Variants in ADORA2B observed in about 807,000 individuals in gnomAD.
The protein encoded by ADORA2B is adenosine A2b receptor.
A neutral mutation model predicts 20.8 loss-of-function variants in ADORA2B; 18 were observed. The observed-to-expected ratio is 0.87, with a 90% CI of 0.60 to 1.29. The LOEUF (loss-of-function observed/expected upper bound fraction) is 1.29, where lower values mean the gene tolerates loss of function less well. Among genes scored for constraint, ADORA2B ranks in the 50% most tolerant of loss-of-function variants. The pLI is 0.00. For synonymous variants in ADORA2B, 179 were observed against 178.3 expected (o/e 1.00, Z -0.03); for missense variants, 441 against 422.7 (o/e 1.04, Z -0.38).
the ADORA2B span, among the ~76,000 whole-genome samples, chr17:15,914,524 G>A: frequency 6.6e-6 from 1 of 152,160 alleles, no homozygotes; most frequent in Non-Finnish European, 1.5e-5. Context: ...AACAGGATGT[G>A]TCTATTGTCA....
chr17:15,950,794 T>C (rs964422868), intron 1 of ADORA2B, among the ~76,000 whole-genome samples: 24 of 152,140 alleles, frequency 1.6e-4, no homozygotes, highest in African/African-American at 5.1e-4. Flanking sequence ...CAATTCTCAC[T>C]CACCACGGCC....
chr17:15,935,228 A>C, the ADORA2B span, among the ~76,000 whole-genome samples: 13,871 of 152,216 alleles, frequency 0.091, 2,084 homozygotes, highest in African/African-American at 0.32. Context: ...CTGAATAAAT[A>C]GCTTTAGTAT....
At chr17:15,962,284 T>C (rs952694603) in intron 1 of ADORA2B, among the ~76,000 whole-genome samples, 2 of 152,012 alleles carry the variant, frequency 1.3e-5, no homozygotes, top group African/African-American at 2.4e-5. Context: ...TCCTGGGCAA[T>C]AGAGCAAGAC....
the ADORA2B span, among the ~76,000 whole-genome samples, chr17:15,897,782 G>C: frequency 6.6e-6 from 1 of 151,992 alleles, no homozygotes; most frequent in African/African-American, 2.4e-5. Context: ...GAGGATGTGG[G>C]GAATCTAAGA....
At chr17:15,949,000 G>A (rs905485087) in intron 1 of ADORA2B, among the ~76,000 whole-genome samples, 2 of 151,892 alleles carry the variant, frequency 1.3e-5, no homozygotes, top group Non-Finnish European at 2.9e-5. Context: ...CTGAGGTCAG[G>A]AGCTCGAGAC....
chr17:15,934,220 A>G, the ADORA2B span, among the ~76,000 whole-genome samples: 1 of 151,972 alleles, frequency 6.6e-6, no homozygotes, highest in Non-Finnish European at 1.5e-5. Flanking sequence ...ATCATAGTAT[A>G]TATTTTATTT....
chr17:15,930,812 C>G, the ADORA2B span, among the ~76,000 whole-genome samples: 5 of 152,190 alleles, frequency 3.3e-5, no homozygotes, highest in Admixed American at 1.3e-4. Flanking sequence ...TCAAAACTAT[C>G]ATTAAAATGT....
At chr17:15,891,907 G>T in the ADORA2B span, among the ~76,000 whole-genome samples, 1 of 148,408 alleles carries the variant, frequency 6.7e-6, no homozygotes, top group Admixed American at 6.7e-5. Context: ...GAGTTCAGTG[G>T]TATGATCTTG....
the ADORA2B span, among the ~76,000 whole-genome samples, chr17:15,933,122 AT>A: frequency 6.6e-6 from 1 of 151,878 alleles, no homozygotes; most frequent in Non-Finnish European, 1.5e-5. Flanking sequence ...CGCCCGACTA[AT>A]TTTTTATATC....
the ADORA2B span, among the ~76,000 whole-genome samples, chr17:15,885,448 T>C: frequency 6.6e-6 from 1 of 152,298 alleles, no homozygotes; most frequent in East Asian, 1.9e-4. Context: ...GCGTGGTGCG[T>C]CACGCCTGTA....
At chr17:15,890,729 A>T in the ADORA2B span, among the ~76,000 whole-genome samples, 1 of 152,150 alleles carries the variant, frequency 6.6e-6, no homozygotes, top group Non-Finnish European at 1.5e-5. Flanking sequence ...CAGTGCACGG[A>T]GCTGGCCTCT....
chr17:15,882,384 A>G, the ADORA2B span, among the ~76,000 whole-genome samples: 2 of 152,326 alleles, frequency 1.3e-5, no homozygotes, highest in East Asian at 1.9e-4. Context: ...GAGGGGACTC[A>G]CAAGGTGGGC....
intron 1 of ADORA2B, among the ~76,000 whole-genome samples, chr17:15,973,564 C>T (rs754370479): frequency 2.0e-5 from 3 of 152,218 alleles, no homozygotes; most frequent in East Asian, 1.9e-4. Flanking sequence ...CTGAGCTCTG[C>T]ATCCTGTCAG....
At chr17:15,881,735 G>A in the ADORA2B span, among the ~76,000 whole-genome samples, 1 of 152,214 alleles carries the variant, frequency 6.6e-6, no homozygotes, top group Non-Finnish European at 1.5e-5. Context: ...AGGCCCATCT[G>A]TGTTGGGGCG....
intron 1 of ADORA2B, among the ~76,000 whole-genome samples, chr17:15,968,910 G>T (rs1455511084): frequency 6.6e-6 from 1 of 152,162 alleles, no homozygotes; most frequent in Non-Finnish European, 1.5e-5. Context: ...GCAGGCATCT[G>T]TCACCAAAAC....
the ADORA2B span, among the ~76,000 whole-genome samples, chr17:15,877,681 C>G: frequency 6.6e-6 from 1 of 152,100 alleles, no homozygotes; most frequent in Non-Finnish European, 1.5e-5. Context: ...CCACCTGGTC[C>G]AGAGGCTTCA....
At chr17:15,942,683 C>T (rs528700816), upstream of ADORA2B, among the ~76,000 whole-genome samples, 1 of 152,312 alleles carries the variant, frequency 6.6e-6, no homozygotes, top group Non-Finnish European at 1.5e-5. Context: ...TTCGCCTCCT[C>T]TCCCTCTGCA....
At chr17:15,923,206 A>ATTTTTTTTT in the ADORA2B span, among the ~76,000 whole-genome samples, 58 of 113,476 alleles carry the variant, frequency 5.1e-4, no homozygotes, top group African/African-American at 7.2e-4. Context: ...TCTTTTTTTA[A>ATTTTTTTTT]TTTTTTTTTT....
chr17:15,866,642 A>G, the ADORA2B span, among the ~76,000 whole-genome samples: 1 of 149,544 alleles, frequency 6.7e-6, no homozygotes, highest in South Asian at 2.1e-4. Context: ...TATATGGCAA[A>G]TACCTTCTTC....
Sources: allele counts gnomAD v4.1 joint callset (sites outside exome capture counted in the v4.1 genomes callset), GRCh38; gene constraint gnomAD v4.1.1; transcripts MANE v1.5; gene names NCBI Gene and HGNC (gene_info 2026-07-23, HGNC 2026-07-21).